MTRR: variants seen among roughly 807,000 people sequenced by gnomAD.
The protein encoded by MTRR is 5-methyltetrahydrofolate-homocysteine methyltransferase reductase, also known as methionine synthase reductase.
MTRR carries 63 observed loss-of-function variants against 79.2 expected under a neutral mutation model. The observed-to-expected ratio is 0.80, with a 90% CI of 0.65 to 0.98. MTRR has a LOEUF of 0.98. Among genes scored for constraint, MTRR ranks in the 50% least tolerant of loss-of-function variants. The probability of loss-of-function intolerance (pLI) is 0.00; values close to 1 mark genes in which losing one functional copy is unlikely to be tolerated. For missense variants in MTRR, 895 were observed against 839.6 expected (o/e 1.07, Z -0.82); for synonymous variants, 355 against 313.3 (o/e 1.13, Z -1.41).
chr5:7,862,752 A>C, intron 2 of MTRR: 1 of 1,306,752 alleles, frequency 7.7e-7, no homozygotes, highest in Non-Finnish European at 1.1e-6. Flanking sequence ...TATTGCTTCT[A>C]AGTCCCATAT....
intron 12 of MTRR, among the ~76,000 whole-genome samples, chr5:7,896,146 A>G (rs1266749802): frequency 6.6e-6 from 1 of 152,192 alleles, no homozygotes; most frequent in Non-Finnish European, 1.5e-5. Flanking sequence ...TCGTACTGTG[A>G]TGATATACAG....
chr5:7,897,009 C>G (rs1738638328), intron 13 of MTRR, 53 bp downstream of exon 13: 1 of 1,612,040 alleles, frequency 6.2e-7, no homozygotes, highest in Admixed American at 1.7e-5. Flanking sequence ...AATTCTAATT[C>G]TCAGACTTTT....
chr5:7,863,576 C>A (rs1449417484), intron 2 of MTRR, among the ~76,000 whole-genome samples: 1 of 152,134 alleles, frequency 6.6e-6, no homozygotes, highest in Non-Finnish European at 1.5e-5. Flanking sequence ...AAAGCTGAAA[C>A]ACTTCTGGTC....
chr5:7,854,171 C>T (rs577310568), intron 1 of MTRR, among the ~76,000 whole-genome samples: 19 of 152,008 alleles, frequency 1.2e-4, no homozygotes, highest in East Asian at 1.2e-3. Flanking sequence ...TGTCTGTACT[C>T]GTACTCAAAA....
intron 1 of MTRR, among the ~76,000 whole-genome samples, chr5:7,854,947 C>T (rs1287662925): frequency 6.6e-6 from 1 of 152,174 alleles, no homozygotes; most frequent in Non-Finnish European, 1.5e-5. Context: ...ATTCCCAAGG[C>T]ATTCAAGCCA....
intron 14 of MTRR, among the ~76,000 whole-genome samples, chr5:7,899,635 C>CT (rs1739151140): frequency 1.3e-5 from 2 of 152,192 alleles, no homozygotes; most frequent in African/African-American, 4.8e-5. Context: ...AGATGCTTCT[C>CT]TGACACCTAG....
At position 7,873,446 on chromosome 5, in the gene MTRR, C is replaced by G; in HGVS notation, c.203C>G (p.Thr68Arg). The G allele has an allele frequency of 6.2e-7, 1 of 1,614,154 alleles. No homozygotes were observed. The highest frequency in any genetic ancestry group is 8.5e-7 in the Non-Finnish European group (1 of 1,180,014). Reference sequence around the variant, plus strand: ...ACGGGCACCGGAGACCCACCCGACACAGCCCGCAAGTTTGTTAAGGAAATA... The same window carrying G: ...ACGGGCACCGGAGACCCACCCGACAGAGCCCGCAAGTTTGTTAAGGAAATA... ...STTGTGDPPD[T>R]ARKFVKEIQN... Residue 68 changes from threonine (T) to arginine (R), a missense_variant, in exon 3 of 15, where the codon ACA becomes AGA. Physicochemically the swap from Thr to Arg is moderately conservative, Grantham distance 71 (BLOSUM62 -1). Coordinates refer to ENST00000440940, the MANE Select transcript of MTRR (RefSeq NM_002454.3).
intron 2 of MTRR, among the ~76,000 whole-genome samples, chr5:7,873,073 G>A (rs1748263266): frequency 6.6e-6 from 1 of 152,100 alleles, no homozygotes; most frequent in Non-Finnish European, 1.5e-5. Context: ...ACCTGGGATG[G>A]GTACTGTCTG....
upstream of MTRR, chr5:7,866,698 T>C (rs778695953): frequency 1.2e-5 from 19 of 1,604,484 alleles, no homozygotes; most frequent in Middle Eastern, 1.7e-4. Flanking sequence ...GAAAGTTGAC[T>C]GGATGGCATT....
Position 7,889,127 on chromosome 5 carries a change from T to C in MTRR, c.1179T>C (p.Ser393=), listed in dbSNP as rs1333791112. 6.2e-7 allele frequency: 1 copy of C among 1,613,988 alleles called. No individual in the cohort carries two copies. Among genetic ancestry groups the C allele is most frequent in the East Asian group, 2.2e-5 (1 of 44,892 alleles). ...AFLRALVDYT[S]DSAEKRRLQE... Reference sequence around the variant, plus strand: ...TGCGAGCCCTTGTGGACTATACCAGTGACAGTGCTGAAAAGCGCAGGCTAC... The same window carrying C: ...TGCGAGCCCTTGTGGACTATACCAGCGACAGTGCTGAAAAGCGCAGGCTAC... The change falls in exon 9 of 15, where the codon AGT becomes AGC. Residue 393 remains serine, a synonymous_variant. Coordinates refer to ENST00000440940, the MANE Select transcript of MTRR (RefSeq NM_002454.3).
At chr5:7,867,749 G>A (rs1397144369), upstream of MTRR, 5 of 1,614,038 alleles carry the variant, frequency 3.1e-6, no homozygotes, top group Admixed American at 6.7e-5. Context: ...CACTTCTTCT[G>A]ATGAAGTCAA....
At chr5:7,864,342 T>C (rs1272584194), upstream of MTRR, among the ~76,000 whole-genome samples, 1 of 152,138 alleles carries the variant, frequency 6.6e-6, no homozygotes, top group Non-Finnish European at 1.5e-5. Flanking sequence ...AGATCAAAGA[T>C]CTAAATAAAA....
chr5:7,861,317 T>C, intron 1 of MTRR: 1 of 1,016,896 alleles, frequency 9.8e-7, no homozygotes, highest in Non-Finnish European at 1.4e-6. Flanking sequence ...TCCAAAATAT[T>C]TATTATATAT....
At chr5:7,882,744 G>A (rs1158929563) in intron 5 of MTRR, among the ~76,000 whole-genome samples, 2 of 152,130 alleles carry the variant, frequency 1.3e-5, no homozygotes, top group Admixed American at 1.3e-4. Flanking sequence ...CATATGAACA[G>A]CATTGCCCCA....
intron 1 of MTRR, among the ~76,000 whole-genome samples, chr5:7,854,283 A>C (rs12520142): frequency 0.21 from 31,814 of 151,776 alleles, 4,800 homozygotes; most frequent in African/African-American, 0.42. Context: ...TGGGTTAAAC[A>C]TAGTGTATTA....
chr5:7,897,368 T>C, intron 14 of MTRR, 121 bp downstream of exon 14: 6 of 1,009,474 alleles, frequency 5.9e-6, no homozygotes, highest in Non-Finnish European at 9.3e-6. Flanking sequence ...GATTCTTAAG[T>C]ACAGGAATAG....
chr5:7,899,325 C>T (rs1016656011), intron 14 of MTRR, among the ~76,000 whole-genome samples: 10 of 152,188 alleles, frequency 6.6e-5, no homozygotes, highest in African/African-American at 2.4e-4. Flanking sequence ...GAGAAAGCTA[C>T]ATATAAACAG....
upstream of MTRR, chr5:7,868,340 C>G (rs964955617): frequency 7.1e-6 from 3 of 423,744 alleles, no homozygotes; most frequent in Admixed American, 4.0e-5. Flanking sequence ...TGTAGGTATT[C>G]TATTAACTTA....
At chr5:7,889,620 T>C (rs1737213728) in intron 9 of MTRR, among the ~76,000 whole-genome samples, 1 of 152,210 alleles carries the variant, frequency 6.6e-6, no homozygotes, top group Non-Finnish European at 1.5e-5. Flanking sequence ...AATTTAACTT[T>C]TTTCAGAAAG....
Sources: allele counts gnomAD v4.1 joint callset (sites outside exome capture counted in the v4.1 genomes callset), GRCh38; gene constraint gnomAD v4.1.1; transcripts MANE v1.5; gene names NCBI Gene and HGNC (gene_info 2026-07-23, HGNC 2026-07-21).